CAMK1D: variants seen among roughly 807,000 people sequenced by gnomAD.
The protein encoded by CAMK1D is calcium/calmodulin dependent protein kinase ID, also known as calcium/calmodulin-dependent protein kinase type 1D.
CAMK1D carries 9 observed loss-of-function variants against 47.7 expected under a neutral mutation model. The ratio of observed to expected loss-of-function variants is 0.19; its 90% CI spans 0.11 to 0.33. The LOEUF is 0.33. CAMK1D is among the 10% of genes least tolerant of loss of function. CAMK1D has a pLI of 1.00. For missense variants in CAMK1D, 291 were observed against 488.7 expected (o/e 0.60, Z 3.81); for synonymous variants, 184 against 184.9 (o/e 0.99, Z 0.04).
chr10:12,632,881 G>A (rs1429730115), intron 2 of CAMK1D, among the ~76,000 whole-genome samples: 3 of 152,110 alleles, frequency 2.0e-5, no homozygotes, highest in Admixed American at 6.5e-5. Flanking sequence ...TTTTAATAGA[G>A]ACGAGGTTTC....
chr10:12,419,626 T>G (rs1839977744), intron 1 of CAMK1D, among the ~76,000 whole-genome samples: 1 of 133,156 alleles, frequency 7.5e-6, no homozygotes, highest in Non-Finnish European at 1.6e-5. Flanking sequence ...CAGTCTTAGA[T>G]CAGAAGAGAA....
intron 2 of CAMK1D, among the ~76,000 whole-genome samples, chr10:12,650,903 G>A (rs10752269): frequency 0.52 from 79,270 of 151,866 alleles, 20,829 homozygotes; most frequent in East Asian, 0.59. Context: ...GGTTCATCTC[G>A]CCCCACACCC....
At chr10:12,689,115 A>G (rs1246667947) in intron 3 of CAMK1D, among the ~76,000 whole-genome samples, 1 of 152,186 alleles carries the variant, frequency 6.6e-6, no homozygotes, top group Non-Finnish European at 1.5e-5. Flanking sequence ...TGCTTCATAC[A>G]ACTTGGACTA....
chr10:12,536,638 G>T (rs932057419), intron 1 of CAMK1D, among the ~76,000 whole-genome samples: 3 of 152,130 alleles, frequency 2.0e-5, no homozygotes, highest in African/African-American at 7.2e-5. Flanking sequence ...ACTCGAAGAG[G>T]GGGGTGTATC....
At chr10:12,518,198 C>G (rs975583877) in intron 1 of CAMK1D, among the ~76,000 whole-genome samples, 27 of 152,216 alleles carry the variant, frequency 1.8e-4, no homozygotes, top group Non-Finnish European at 3.7e-4. Context: ...GGCCAGCCAC[C>G]TCTTTTTATG....
intron 1 of CAMK1D, among the ~76,000 whole-genome samples, chr10:12,409,377 A>G (rs186453107): frequency 3.7e-4 from 56 of 152,328 alleles, no homozygotes; most frequent in Middle Eastern, 6.8e-3. Flanking sequence ...CGGCTGTGAT[A>G]GAGGATAGAG....
chr10:12,743,873 A>G (rs1245350178), intron 3 of CAMK1D, among the ~76,000 whole-genome samples: 2 of 152,174 alleles, frequency 1.3e-5, no homozygotes, highest in African/African-American at 4.8e-5. Context: ...AAATACAGAA[A>G]TTAGCTGGAT....
At chr10:12,598,247 G>C (rs1008176654) in intron 2 of CAMK1D, among the ~76,000 whole-genome samples, 1 of 152,214 alleles carries the variant, frequency 6.6e-6, no homozygotes, top group Non-Finnish European at 1.5e-5. Context: ...TGTTATTCAT[G>C]TGCATCCGTG....
chr10:12,547,899 CG>C (rs1358636326), intron 1 of CAMK1D, among the ~76,000 whole-genome samples: 2 of 152,116 alleles, frequency 1.3e-5, no homozygotes, highest in Non-Finnish European at 2.9e-5. Flanking sequence ...AAGCTTAAAG[CG>C]GGTCAATGCA....
chr10:12,399,284 C>T (rs879350019), intron 1 of CAMK1D, among the ~76,000 whole-genome samples: 3 of 152,156 alleles, frequency 2.0e-5, no homozygotes, highest in Non-Finnish European at 2.9e-5. Context: ...GGCAGTGGAT[C>T]ACCTGAGGTC....
intron 1 of CAMK1D, among the ~76,000 whole-genome samples, chr10:12,414,484 A>T (rs11257778): frequency 0.19 from 29,378 of 152,170 alleles, 3,029 homozygotes; most frequent in Admixed American, 0.29. Context: ...CTGCCATGTT[A>T]TCTGTCGTGT....
intron 1 of CAMK1D, among the ~76,000 whole-genome samples, chr10:12,431,659 A>G (rs1218671695): frequency 6.6e-6 from 1 of 152,178 alleles, no homozygotes; most frequent in African/African-American, 2.4e-5. Context: ...CCAGGGCCAG[A>G]GCTGGGGGCG....
intron 3 of CAMK1D, among the ~76,000 whole-genome samples, chr10:12,714,761 TACACAC>T (rs55827922): frequency 0.017 from 2,283 of 130,542 alleles, 33 homozygotes; most frequent in East Asian, 0.072. Context: ...TACATTAAAT[TACACAC>T]ACACACACAC....
At chr10:12,568,101 CT>C (rs1837182906) in intron 2 of CAMK1D, among the ~76,000 whole-genome samples, 1 of 149,338 alleles carries the variant, frequency 6.7e-6, no homozygotes, top group African/African-American at 2.5e-5. Context: ...GCCTGCCTGT[CT>C]GCTTTCCTGC....
chr10:12,637,394 A>C (rs1326461622), intron 2 of CAMK1D, among the ~76,000 whole-genome samples: 2 of 152,192 alleles, frequency 1.3e-5, no homozygotes, highest in Non-Finnish European at 2.9e-5. Context: ...TCACAGAAGG[A>C]AGTAGGTCCC....
chr10:12,468,061 A>G (rs1833642592), intron 1 of CAMK1D, among the ~76,000 whole-genome samples: 1 of 152,044 alleles, frequency 6.6e-6, no homozygotes, highest in African/African-American at 2.4e-5. Flanking sequence ...ACGCTTTTTA[A>G]TTTTTATGTT....
At chr10:12,409,462 T>A (rs747842995) in intron 1 of CAMK1D, among the ~76,000 whole-genome samples, 12 of 152,244 alleles carry the variant, frequency 7.9e-5, no homozygotes, top group Non-Finnish European at 1.6e-4. Context: ...CTCCTTTTTC[T>A]TTTTAGTGGC....
chr10:12,352,434 C>CTT (rs1837380168), intron 1 of CAMK1D, among the ~76,000 whole-genome samples: 2 of 151,876 alleles, frequency 1.3e-5, no homozygotes, highest in Non-Finnish European at 2.9e-5. Context: ...CATGGTGAAA[C>CTT]CCTGTTGCTA....
intron 2 of CAMK1D, among the ~76,000 whole-genome samples, chr10:12,639,426 A>T (rs1839606134): frequency 6.6e-6 from 1 of 152,232 alleles, no homozygotes. Context: ...CGGAGGTTGC[A>T]GGGAGCCAAG....
Sources: allele counts gnomAD v4.1 joint callset (sites outside exome capture counted in the v4.1 genomes callset), GRCh38; gene constraint gnomAD v4.1.1; transcripts MANE v1.5; gene names NCBI Gene and HGNC (gene_info 2026-07-23, HGNC 2026-07-21).